PTPRT: variants seen among roughly 807,000 people sequenced by gnomAD.
PTPRT encodes the protein protein tyrosine phosphatase receptor type T.
PTPRT carries 56 observed loss-of-function variants against 176.8 expected under a neutral mutation model. The observed-to-expected ratio is 0.32, with a 90% confidence interval of 0.26 to 0.40. PTPRT has a LOEUF of 0.40. PTPRT is among the 10% of genes least tolerant of loss of function. PTPRT has a pLI of 1.00. For synonymous variants in PTPRT, 783 were observed against 739.0 expected (o/e 1.06, Z -0.96); for missense variants, 1,540 against 1,908.2 (o/e 0.81, Z 3.60).
At chr20:42,621,549 C>G (rs1488292187) in intron 7 of PTPRT, among the ~76,000 whole-genome samples, 1 of 152,222 alleles carries the variant, frequency 6.6e-6, no homozygotes, top group African/African-American at 2.4e-5. Context: ...GGCAAGCATA[C>G]AATGCCATTG....
At position 42,967,942 on chromosome 20, in the gene PTPRT, C is replaced by T. The variant is rs148296763; in HGVS notation, c.89-82010G>A. Among the ~76,000 whole-genome samples the T allele has an allele frequency of 5.8e-3, 890 of 152,232 alleles. 11 individuals are homozygous for T. Among genetic ancestry groups the T allele is most frequent in the African/African-American group, 0.02 (850 of 41,540 alleles). ...ACATCAGGATAAAATCGAGAATGCG[C>T]GGTCTGTGCTTGTGAATTCCTACCA... is the stretch of plus-strand genomic sequence containing the variant. On this transcript the variant is annotated intron_variant, in intron 1 of 30. Coordinates refer to ENST00000373187, the MANE Select transcript of PTPRT (RefSeq NM_007050.6).
chr20:42,151,778 A>T (rs1600595696), intron 17 of PTPRT, among the ~76,000 whole-genome samples: 1 of 152,230 alleles, frequency 6.6e-6, no homozygotes, highest in East Asian at 1.9e-4. Context: ...AAGGGCAAAG[A>T]TGGGAAATCT....
intron 7 of PTPRT, among the ~76,000 whole-genome samples, chr20:42,644,628 G>A (rs989067157): frequency 6.6e-6 from 1 of 152,040 alleles, no homozygotes; most frequent in African/African-American, 2.4e-5. Context: ...CTCATCTCTG[G>A]TCATGAGCCC....
chr20:42,414,280 T>C (rs1218906533), intron 9 of PTPRT, among the ~76,000 whole-genome samples: 4 of 152,234 alleles, frequency 2.6e-5, no homozygotes, highest in African/African-American at 9.6e-5. Flanking sequence ...CAGCTACTTT[T>C]TAAAATGACA....
chr20:42,570,251 T>G (rs1327079921), intron 7 of PTPRT, among the ~76,000 whole-genome samples: 1 of 152,176 alleles, frequency 6.6e-6, no homozygotes, highest in Non-Finnish European at 1.5e-5. Flanking sequence ...ATGTCACACC[T>G]GGAAACCCGC....
intron 2 of PTPRT, among the ~76,000 whole-genome samples, chr20:42,884,686 C>T (rs1294722776): frequency 6.6e-6 from 1 of 152,116 alleles, no homozygotes; most frequent in Non-Finnish European, 1.5e-5. Context: ...AGTGCACTGA[C>T]AGGGGAGACT....
At chr20:42,667,907 A>G (rs894762886) in intron 7 of PTPRT, among the ~76,000 whole-genome samples, 4 of 152,072 alleles carry the variant, frequency 2.6e-5, no homozygotes, top group Non-Finnish European at 5.9e-5. Context: ...GACTTTTCAG[A>G]TTTCTTATCT....
chr20:42,081,443 C>T (rs1983318293), intron 30 of PTPRT, among the ~76,000 whole-genome samples: 1 of 152,192 alleles, frequency 6.6e-6, no homozygotes, highest in Non-Finnish European at 1.5e-5. Flanking sequence ...CAGGTCTTAT[C>T]ACCCGGGGCT....
At chr20:43,173,000 G>A (rs1022928577) in intron 1 of PTPRT, among the ~76,000 whole-genome samples, 15 of 151,510 alleles carry the variant, frequency 9.9e-5, no homozygotes, top group African/African-American at 3.4e-4. Context: ...AACCTCCTGA[G>A]TAGCTGGGAT....
intron 2 of PTPRT, among the ~76,000 whole-genome samples, chr20:42,803,357 C>T (rs2077557927): frequency 1.3e-5 from 2 of 152,334 alleles, no homozygotes; most frequent in South Asian, 2.1e-4. Flanking sequence ...GACACCCACT[C>T]AAGTTTGAGA....
In PTPRT at chr20:43,118,420, G is replaced by T. The variant is rs116774060; in HGVS notation, c.88+71226C>A. Reference sequence around the variant, plus strand: ...CTTCATTTAATCCTCCTCACGGGTCGATGAAATAGGAAAATATATTCCCAT... The same window carrying T: ...CTTCATTTAATCCTCCTCACGGGTCTATGAAATAGGAAAATATATTCCCAT... On this transcript the variant is annotated intron_variant, in intron 1 of 30. Coordinates refer to ENST00000373187, the MANE Select transcript of PTPRT (RefSeq NM_007050.6). Among the ~76,000 whole-genome samples the T allele has an allele frequency of 6.1e-3, 929 of 152,204 alleles. 10 individuals are homozygous for T. Among genetic ancestry groups the T allele is most frequent in the African/African-American group, 0.021 (882 of 41,536 alleles).
chr20:42,275,889 T>C (rs1218411987), intron 13 of PTPRT, among the ~76,000 whole-genome samples: 1 of 152,298 alleles, frequency 6.6e-6, no homozygotes, highest in East Asian at 1.9e-4. Flanking sequence ...ATGTATCTCA[T>C]GGGACTCAGC....
At chr20:43,123,474 C>T (rs1318570892) in intron 1 of PTPRT, among the ~76,000 whole-genome samples, 2 of 152,152 alleles carry the variant, frequency 1.3e-5, no homozygotes, top group Non-Finnish European at 2.9e-5. Flanking sequence ...TCCAGGGAGT[C>T]CTCTTAAAAG....
At chr20:43,046,345 G>A (rs1251215424) in intron 1 of PTPRT, among the ~76,000 whole-genome samples, 2 of 152,028 alleles carry the variant, frequency 1.3e-5, no homozygotes, top group Non-Finnish European at 2.9e-5. Flanking sequence ...GCTGAGGCAG[G>A]CGGATCATGA....
At chr20:43,101,863 T>C (rs2012402849) in intron 1 of PTPRT, among the ~76,000 whole-genome samples, 1 of 152,208 alleles carries the variant, frequency 6.6e-6, no homozygotes, top group Non-Finnish European at 1.5e-5. Flanking sequence ...TTATTGATTA[T>C]CTTCATCCAT....
At chr20:43,002,108 T>TGGTTTTAAAA (rs879825573) in intron 1 of PTPRT, among the ~76,000 whole-genome samples, 1,748 of 152,294 alleles carry the variant, frequency 0.011, 88 homozygotes, top group Admixed American at 0.081. Context: ...CCATTTCTCC[T>TGGTTTTAAAA]GTGCATGCAC....
intron 6 of PTPRT, among the ~76,000 whole-genome samples, chr20:42,747,618 T>C (rs112935331): frequency 1.3e-5 from 2 of 152,252 alleles, no homozygotes; most frequent in Admixed American, 6.5e-5. Context: ...ACCAGATCGA[T>C]AAAACAAGTG....
chr20:42,177,412 C>G (rs1462506259), intron 16 of PTPRT, among the ~76,000 whole-genome samples: 1 of 152,174 alleles, frequency 6.6e-6, no homozygotes. Context: ...TTGTTCAAAA[C>G]CAACCAAAAA....
intron 23 of PTPRT, 93 bp from the exon 24 acceptor site, chr20:42,107,014 T>G: frequency 6.8e-7 from 1 of 1,475,614 alleles, no homozygotes; most frequent in South Asian, 1.4e-5. Flanking sequence ...CCAAGGGTCC[T>G]GCTGGGAGGC....
Sources: gnomAD v4.1 joint callset for allele counts (sites outside exome capture counted in the v4.1 genomes callset) on GRCh38, gnomAD v4.1.1 for gene constraint, MANE v1.5 for transcripts, NCBI Gene and HGNC (gene_info 2026-07-23, HGNC 2026-07-21) for gene names.